RASSF8: variants seen among roughly 807,000 people sequenced by gnomAD.
RASSF8 encodes Ras association domain family member 8.
In RASSF8, 22 loss-of-function variants were observed where a neutral mutation model predicts 48.5. That is an observed-to-expected ratio of 0.45 (90% CI 0.32 to 0.65). The LOEUF (loss-of-function observed/expected upper bound fraction) is 0.65, where lower values mean the gene tolerates loss of function less well. Ranked by LOEUF, RASSF8 falls within the 30% of genes least tolerant of loss-of-function variation. RASSF8 has a pLI of 0.03. For missense variants in RASSF8, 418 were observed against 489.2 expected (o/e 0.85, Z 1.37); for synonymous variants, 127 against 171.5 (o/e 0.74, Z 2.03).
intron 1 of RASSF8, among the ~76,000 whole-genome samples, chr12:25,984,992 G>A (rs12301099): frequency 0.011 from 1,617 of 152,272 alleles, 29 homozygotes; most frequent in African/African-American, 0.031. Flanking sequence ...CCAGAGGAAA[G>A]CATCCAGGGT....
chr12:25,989,954 T>C (rs1365522919), intron 1 of RASSF8, among the ~76,000 whole-genome samples: 1 of 152,214 alleles, frequency 6.6e-6, no homozygotes, highest in Non-Finnish European at 1.5e-5. Context: ...CCCGGGAAGG[T>C]ACTAAATCTG....
At chr12:25,980,937 T>A (rs948004508) in intron 1 of RASSF8, among the ~76,000 whole-genome samples, 1 of 152,208 alleles carries the variant, frequency 6.6e-6, no homozygotes, top group African/African-American at 2.4e-5. Context: ...TAGCATATTA[T>A]CCTGAAACTA....
rs1216935349 is a variant in RASSF8, at chr12:26,070,068, C to G, written c.*1250C>G. 1 of 982,974 alleles carries G rather than the reference C, an allele frequency of 1.0e-6. No homozygotes were observed. Among genetic ancestry groups the G allele is most frequent in the Non-Finnish European group, 1.2e-6 (1 of 827,794 alleles). The allele number at this position is 982,974 out of a possible 1,614,324, so 60.9% of individuals were successfully genotyped here. On this transcript the variant is annotated 3_prime_UTR_variant, in exon 6 of 6. Coordinates refer to ENST00000689635, the MANE Select transcript of RASSF8 (RefSeq NM_001394098.1). The stretch of plus-strand genomic sequence containing the variant: ...TTTACAAGTAATATTTAGACAGATT[C>G]AGTCAGACACCACTTAGCCATTTTT...
downstream of RASSF8, among the ~76,000 whole-genome samples, chr12:26,074,800 G>A (rs562774180): frequency 7.9e-5 from 12 of 152,102 alleles, no homozygotes; most frequent in Admixed American, 7.9e-4. Flanking sequence ...AAACAAGAAG[G>A]GCTGTCTGGT....
At chr12:26,035,391 T>TTATATGAAATTATATAATTATATAAG (rs1555166997) in intron 2 of RASSF8, among the ~76,000 whole-genome samples, 13,922 of 137,320 alleles carry the variant, frequency 0.1, 1,113 homozygotes, top group East Asian at 0.15. Flanking sequence ...TATAATATAA[T>TTATATGAAATTATATAATTATATAAG]TATATGAAAT....
In RASSF8 at chr12:26,065,283, A is replaced by G; in HGVS notation, c.889A>G (p.Lys297Glu). 1 of 1,614,192 alleles carries G rather than the reference A, an allele frequency of 6.2e-7. No homozygotes were observed. The highest frequency in any genetic ancestry group is 8.5e-7 in the Non-Finnish European group (1 of 1,180,014). ...GGAAGAGGTTAAAGGAAAGATCGGT[A>G]AGGTCAAAGGGGAGATTGACATTCA... is the stretch of plus-strand genomic sequence containing the variant. Reference protein sequence around the residue: ...NEEEVKGKIGKVKGEIDIQGQ... With the variant: ...NEEEVKGKIGEVKGEIDIQGQ... Residue 297 changes from lysine (K) to glutamate (E), a missense_variant, in exon 4 of 6, where the codon AAG becomes GAG. Transcript: ENST00000689635.
downstream of RASSF8, among the ~76,000 whole-genome samples, chr12:26,076,052 A>G (rs890862735): frequency 2.6e-5 from 4 of 152,248 alleles, no homozygotes; most frequent in East Asian, 5.8e-4. Context: ...TAATTTCAAC[A>G]TTCTTTAAGG....
In RASSF8 at chr12:26,055,334, C is replaced by A; in HGVS notation, c.-10C>A. 6.2e-7 allele frequency: 1 copy of A among 1,611,372 alleles called. No individual in the cohort carries two copies. The highest frequency in any genetic ancestry group is 8.5e-7 in the Non-Finnish European group (1 of 1,177,626). On this transcript the variant is annotated 5_prime_UTR_variant, in exon 3 of 6. Transcript: ENST00000689635. Reference sequence around the variant, plus strand: ...ACTCTCAGGGACCTTGAGTGACTGGCCGGTGCACCATGGAACTTAAAGTAT... The same window carrying A: ...ACTCTCAGGGACCTTGAGTGACTGGACGGTGCACCATGGAACTTAAAGTAT...
At chr12:26,056,387 A>G (rs1214779580) in intron 3 of RASSF8, among the ~76,000 whole-genome samples, 1 of 152,190 alleles carries the variant, frequency 6.6e-6, no homozygotes, top group African/African-American at 2.4e-5. Flanking sequence ...GTCCAAGTTT[A>G]TATTTGCATC....
chr12:26,004,973 G>A (rs1942352226), intron 2 of RASSF8, among the ~76,000 whole-genome samples: 1 of 151,980 alleles, frequency 6.6e-6, no homozygotes, highest in Non-Finnish European at 1.5e-5. Flanking sequence ...GGGCAACAAA[G>A]GGAGACCCTG....
chr12:26,051,129 A>G (rs1264276841), intron 2 of RASSF8, among the ~76,000 whole-genome samples: 2 of 152,214 alleles, frequency 1.3e-5, no homozygotes, highest in Non-Finnish European at 2.9e-5. Flanking sequence ...TGGAAAAGTT[A>G]TTTAAACTCT....
At chr12:26,008,375 T>C (rs1942443094) in intron 2 of RASSF8, among the ~76,000 whole-genome samples, 1 of 152,244 alleles carries the variant, frequency 6.6e-6, no homozygotes, top group African/African-American at 2.4e-5. Context: ...CTTTAGCATG[T>C]TCTCCTGTGA....
rs1943909735 is a variant in RASSF8 at position 26,067,721 on chromosome 12, G to A, written c.1138+8G>A. On this transcript the variant is annotated splice_region_variant and intron_variant, in intron 5 of 5. Transcript: ENST00000689635. ...ATGCAGACATTGAAAGGGGTAAGAT[G>A]TTGATAAATATGGTTTATTTTCCCT... 1.2e-6 allele frequency: 2 copies of A among 1,613,282 alleles called. No homozygotes were observed. Among genetic ancestry groups the A allele is most frequent in the African/African-American group, 1.3e-5 (1 of 74,960 alleles).
rs1406430307 is a variant in RASSF8, at chr12:26,065,062, A to G, written c.668A>G (p.Glu223Gly). The G allele has an allele frequency of 6.2e-7, 1 of 1,613,916 alleles. No homozygotes were observed. ...AGAAACGATGTAGAAATTGAGGAGG[A>G]AGAATTCTGGGAAAATGAATTACAG... ...IKRNDVEIEE[E>G]EFWENELQIE... The change falls in exon 4 of 6, where the codon GAA (glutamate) becomes GGA (glycine). Residue 223 changes from glutamate to glycine, a missense_variant. Physicochemically the swap from Glu to Gly is moderately conservative, Grantham distance 98. Transcript: ENST00000689635.
At position 26,046,448 on chromosome 12, in the gene RASSF8, A is replaced by G. The variant is rs140310707; in HGVS notation, c.-108-8788A>G. Among the ~76,000 whole-genome samples, 39 of 152,298 alleles carry G rather than the reference A, an allele frequency of 2.6e-4. 1 individual carries two copies. Among genetic ancestry groups the G allele is most frequent in the African/African-American group, 8.7e-4 (36 of 41,570 alleles). On this transcript the variant is annotated intron_variant, in intron 2 of 5. Transcript: ENST00000689635. Reference sequence around the variant, plus strand: ...CATTTCCTCTTTTGTTTAATAATTCATGTCACATAGAGCAACAGATGAGTA... The same window carrying G: ...CATTTCCTCTTTTGTTTAATAATTCGTGTCACATAGAGCAACAGATGAGTA...
chr12:26,065,256 G>A lies in RASSF8; in HGVS notation c.862G>A (p.Glu288Lys). 1 of 1,614,188 alleles carries A rather than the reference G, an allele frequency of 6.2e-7. No homozygotes were observed. Among genetic ancestry groups the A allele is most frequent in the Non-Finnish European group, 8.5e-7 (1 of 1,180,018 alleles). Residue 288 changes from glutamate to lysine, a missense_variant, in exon 4 of 6, where the codon GAG becomes AAG. By Grantham distance (56) the Glu-to-Lys change is moderately conservative (BLOSUM62 1). Transcript: ENST00000689635. The stretch of plus-strand genomic sequence containing the variant: ...GGAAGTTCAAGAGGCACAGGTCAAT[G>A]AGGAAGAGGTTAAAGGAAAGATCGG... Reference protein sequence around the residue: ...QREVQEAQVNEEEVKGKIGKV... With the variant: ...QREVQEAQVNKEEVKGKIGKV...
rs551869577 is a variant in RASSF8 at position 25,970,080 on chromosome 12, C to T, written c.-203+10932C>T. On this transcript the variant is annotated intron_variant, in intron 1 of 5. Transcript: ENST00000689635. ...GTTCATGTGCTTTTAAACTCTCTTT[C>T]TTCCTGTACGACCCCACTTTTTTTT... is the stretch of plus-strand genomic sequence containing the variant. Among the ~76,000 whole-genome samples the T allele has an allele frequency of 1.7e-3, 256 of 150,854 alleles. 2 individuals are homozygous for T. Among genetic ancestry groups the T allele is most frequent in the Non-Finnish European group, 3.0e-3 (203 of 67,824 alleles).
chr12:26,031,025 T>C (rs140784209), intron 2 of RASSF8, among the ~76,000 whole-genome samples: 1 of 152,318 alleles, frequency 6.6e-6, no homozygotes, highest in Non-Finnish European at 1.5e-5. Flanking sequence ...GTAGGAAATA[T>C]GATATTTCTT....
At chr12:25,984,222 A>AG (rs1941814885) in intron 1 of RASSF8, among the ~76,000 whole-genome samples, 2 of 124,020 alleles carry the variant, frequency 1.6e-5, no homozygotes, top group Non-Finnish European at 3.3e-5. Context: ...TGCTACACGT[A>AG]GCTTTTTTTT....
Sources: gnomAD v4.1 joint callset for allele counts (sites outside exome capture counted in the v4.1 genomes callset) on GRCh38, gnomAD v4.1.1 for gene constraint, MANE v1.5 for transcripts, NCBI Gene and HGNC (gene_info 2026-07-23, HGNC 2026-07-21) for gene names.